The following DERPC variants were observed in gnomAD, a reference collection of about 807,000 sequenced individuals.
DERPC encodes decreased expression in renal and prostate cancer protein.
Under a neutral mutation model 7.2 loss-of-function variants are expected in DERPC, and 1 was observed. The observed-to-expected ratio is 0.14, with a 90% CI of 0.05 to 0.66. The LOEUF is 0.66. Among genes scored for constraint, DERPC ranks in the 30% least tolerant of loss-of-function variants. The probability of loss-of-function intolerance (pLI) is 0.84; values close to 1 mark genes in which losing one functional copy is unlikely to be tolerated. For synonymous variants in DERPC, 185 were observed against 117.6 expected, an observed-to-expected ratio of 1.57 and a Z score of -3.71; for missense variants, 502 against 299.4, an observed-to-expected ratio of 1.68 and a Z score of -4.99.
intron 2 of DERPC, 189 bp downstream of exon 2, chr16:69,121,247 G>GT: frequency 7.1e-7 from 1 of 1,401,656 alleles, no homozygotes; most frequent in Non-Finnish European, 9.9e-7. Flanking sequence ...ACCATTTGAG[G>GT]CCCAAAGGAC....
At position 69,118,072 on chromosome 16, in the gene DERPC, C is replaced by T. The variant is rs554108610; in HGVS notation, c.*782G>A. ...AGATACAATGCAGGAAAACCACCAA[C>T]CATCCTTGCACACCAGGCCGAACAA... On this transcript the variant is annotated 3_prime_UTR_variant, in exon 3 of 3. Transcript: ENST00000519520. 36 of 492,854 alleles carry T rather than the reference C, an allele frequency of 7.3e-5. No individual in the cohort carries two copies. The highest frequency in any genetic ancestry group is 5.4e-4 in the Middle Eastern group (1 of 1,866). 30.5% of individuals were successfully genotyped at this position (492,854 alleles called of 1,614,324 possible).
At position 69,119,285 on chromosome 16, in the gene DERPC, G is replaced by A; in HGVS notation, c.1144C>T (p.Pro382Ser). 1.4e-6 allele frequency: 1 copy of A among 703,098 alleles called. No individual in the cohort carries two copies. Among genetic ancestry groups the A allele is most frequent in the Non-Finnish European group, 2.6e-6 (1 of 385,032 alleles). 43.6% of individuals were successfully genotyped at this position (703,098 alleles called of 1,614,324 possible). The change falls in exon 3 of 3, where the codon CCA becomes TCA. Residue 382 changes from proline (P) to serine (S), a missense_variant. Transcript: ENST00000519520. ...CCAGCGGACCTTTGGAAGGTAGCTG[G>A]GTTTGATGCCAATGTGCCAGAAGAC... Reference protein sequence around the residue: ...SQSSGTLASNPATFQRSAGLQ... With the variant: ...SQSSGTLASNSATFQRSAGLQ...
rs761175106 is a variant in DERPC, at chr16:69,132,582, T to C, written c.-378A>G. 2.2e-5 allele frequency: 9 copies of C among 407,250 alleles called. No individual in the cohort carries two copies. The highest frequency in any genetic ancestry group is 1.3e-4 in the South Asian group (8 of 60,738). The allele number at this position is 407,250 out of a possible 1,614,324, so 25.2% of individuals were successfully genotyped here. On this transcript the variant is annotated 5_prime_UTR_variant, in exon 1 of 3. Transcript: ENST00000519520. ...CCGCCGCGAGCACTGCCTGCGCACT[T>C]CCGACTATGCGCCAGGAGCACTTCC...
At chr16:69,121,055 C>T (rs1167111517) in intron 2 of DERPC, 1 of 1,613,230 alleles carries the variant, frequency 6.2e-7, no homozygotes, top group African/African-American at 1.3e-5. Flanking sequence ...CCCCTCACCT[C>T]AGTGGTGTAA....
At chr16:69,127,449 C>T (rs79112344) in intron 1 of DERPC, among the ~76,000 whole-genome samples, 2,996 of 152,110 alleles carry the variant, frequency 0.02, 27 homozygotes, top group Non-Finnish European at 0.026. Flanking sequence ...CACTGAAAGA[C>T]GACTAGAGCA....
At chr16:69,132,406 TCCCTCGCG>T (rs1383025063) in intron 1 of DERPC, 70 bp downstream of exon 1, 1 of 144,248 alleles carries the variant, frequency 6.9e-6, no homozygotes, top group Non-Finnish European at 1.4e-5. Context: ...AGCTTCCCGC[TCCCTCGCG>T]CCCTCGCCCC....
At chr16:69,122,870 G>A (rs1389641319) in intron 1 of DERPC, among the ~76,000 whole-genome samples, 1 of 151,686 alleles carries the variant, frequency 6.6e-6, no homozygotes, top group Non-Finnish European at 1.5e-5. Context: ...GTAGAGATGG[G>A]GTTTCACCAT....
At chr16:69,130,596 TAAC>T (rs1209843378) in intron 1 of DERPC, among the ~76,000 whole-genome samples, 2 of 152,226 alleles carry the variant, frequency 1.3e-5, no homozygotes, top group Admixed American at 6.5e-5. Flanking sequence ...CGTGTTTTCC[TAAC>T]AATACACTGG....
intron 1 of DERPC, among the ~76,000 whole-genome samples, chr16:69,125,915 G>C (rs1384978474): frequency 1.3e-5 from 2 of 152,102 alleles, no homozygotes; most frequent in Non-Finnish European, 2.9e-5. Flanking sequence ...CATCTGCTGA[G>C]GTGCTTTAAA....
intron 1 of DERPC, among the ~76,000 whole-genome samples, chr16:69,127,199 C>T (rs540770319): frequency 6.6e-6 from 1 of 151,504 alleles, no homozygotes; most frequent in East Asian, 1.9e-4. Flanking sequence ...GATTGCGCCA[C>T]CACACTCCAG....
At position 69,120,322 on chromosome 16, in the gene DERPC, G is replaced by A. The variant is rs558437877; in HGVS notation, c.107C>T (p.Pro36Leu). 2.5e-4 allele frequency: 289 copies of A among 1,138,244 alleles called. 3 individuals are homozygous for A. In the South Asian group the frequency reaches 3.3e-3, roughly 13 times the overall value. The allele number at this position is 1,138,244 out of a possible 1,614,324, so 70.5% of individuals were successfully genotyped here. A position where few individuals can be genotyped will look rare whatever the true frequency, so the allele number is the denominator to read the frequency against. ...CAGTGGGTGGCCTGTGTTCAGAACAGGACCCCCCTGTGGTCCCAGGGAACC... is the reference window on the plus strand; with the variant it reads ...CAGTGGGTGGCCTGTGTTCAGAACAAGACCCCCCTGTGGTCCCAGGGAACC... ...LDGSLGPQGGPVLNTGHPLGV... is the reference protein window; with the variant it reads ...LDGSLGPQGGLVLNTGHPLGV... Residue 36 changes from proline to leucine, a missense_variant, in exon 3 of 3, where the codon CCT becomes CTT. Transcript: ENST00000519520. The surrounding 1 kb of genome is among the most constrained non-coding windows in gnomAD (Gnocchi z 4.0).
intron 1 of DERPC, among the ~76,000 whole-genome samples, chr16:69,126,588 G>T (rs1962074213): frequency 6.6e-6 from 1 of 152,184 alleles, no homozygotes; most frequent in African/African-American, 2.4e-5. Context: ...TCTTATCCTA[G>T]AACTATTGGG....
chr16:69,125,584 CAA>C (rs765321659), intron 1 of DERPC, among the ~76,000 whole-genome samples: 1 of 152,188 alleles, frequency 6.6e-6, no homozygotes, highest in Non-Finnish European at 1.5e-5. Flanking sequence ...AATATGGAAT[CAA>C]GAGAGCATCC....
intron 2 of DERPC, chr16:69,121,211 T>C (rs780427524): frequency 6.4e-7 from 1 of 1,565,996 alleles, no homozygotes; most frequent in Admixed American, 1.7e-5. Flanking sequence ...TTTTGAGGGG[T>C]GAAGGATGAA....
intron 1 of DERPC, among the ~76,000 whole-genome samples, chr16:69,127,478 T>C (rs1962153578): frequency 6.6e-6 from 1 of 152,146 alleles, no homozygotes; most frequent in Non-Finnish European, 1.5e-5. Context: ...TTGTTTGTTC[T>C]AAGATGGGGC....
In DERPC at chr16:69,120,730, C is replaced by T; in HGVS notation, c.-221-81G>A. 1 of 1,255,984 alleles carries T rather than the reference C, an allele frequency of 8.0e-7. No homozygotes were observed. Among genetic ancestry groups the T allele is most frequent in the Non-Finnish European group, 1.1e-6 (1 of 883,042 alleles). The allele number at this position is 1,255,984 out of a possible 1,614,324, so 77.8% of individuals were successfully genotyped here. ...AGGCGCCTCCTAAAGCTGCTCTTGGCAGGCTATGCTGGCACCTCCAATCCC... is the reference window on the plus strand; with the variant it reads ...AGGCGCCTCCTAAAGCTGCTCTTGGTAGGCTATGCTGGCACCTCCAATCCC... On this transcript the variant is annotated intron_variant, in intron 2 of 2. Coordinates refer to ENST00000519520, the MANE Select transcript of DERPC (RefSeq NM_001002847.4). This position sits in a 1 kb window ranked among gnomAD's most constrained non-coding sequence, Gnocchi z 4.0.
intron 2 of DERPC, 47 bp downstream of exon 2, chr16:69,121,389 G>C: frequency 6.5e-7 from 1 of 1,529,572 alleles, no homozygotes; most frequent in Non-Finnish European, 9.0e-7. Context: ...CACCTCTATA[G>C]CCCTCATCAT....
Position 69,118,818 on chromosome 16 carries a change from C to T in DERPC, c.*36G>A, listed in dbSNP as rs1961375297. ...CAGCCCCTGCCAAGAACCACAGTGC[C>T]TAGAAACCAAGGTGGTCCTGGAGGG... On this transcript the variant is annotated 3_prime_UTR_variant, in exon 3 of 3. Transcript: ENST00000519520. The T allele has an allele frequency of 1.5e-6, 1 of 679,590 alleles. No homozygotes were observed. Among genetic ancestry groups the T allele is most frequent in the Non-Finnish European group, 2.7e-6 (1 of 373,160 alleles). 42.1% of individuals were successfully genotyped at this position (679,590 alleles called of 1,614,324 possible).
rs372913153 is a variant in DERPC at position 69,120,674 on chromosome 16, C to T, written c.-221-25G>A. 1.6e-4 allele frequency: 250 copies of T among 1,592,650 alleles called. No individual in the cohort carries two copies. Among genetic ancestry groups the T allele is most frequent in the Non-Finnish European group, 2.1e-4 (239 of 1,163,898 alleles). On this transcript the variant is annotated intron_variant, in intron 2 of 2. Transcript: ENST00000519520. The surrounding 1 kb of genome is among the most constrained non-coding windows in gnomAD (Gnocchi z 4.0). ...CCTTTGGCAGAACAAGAACGAGATT[C>T]CTGAGGTTCCGGGGCAAGGCCATAA...
Sources: allele counts gnomAD v4.1 joint callset (sites outside exome capture counted in the v4.1 genomes callset), GRCh38; gene constraint gnomAD v4.1.1; non-coding constraint Gnocchi (gnomAD v3.1); transcripts MANE v1.5; gene names NCBI Gene and HGNC (gene_info 2026-07-23, HGNC 2026-07-21).